The following MICOS10 variants were observed in gnomAD, a reference collection of about 807,000 sequenced individuals.
MICOS10 encodes MICOS complex subunit MIC10.
In MICOS10, 5 loss-of-function variants were observed where a neutral mutation model predicts 13.4. That is an observed-to-expected ratio of 0.37 (90% CI 0.20 to 0.78). The LOEUF (loss-of-function observed/expected upper bound fraction) is 0.78. MICOS10 is among the 30% of genes least tolerant of loss of function. MICOS10 has a pLI of 0.47. For missense variants in MICOS10, 101 were observed against 94.6 expected, an observed-to-expected ratio of 1.07 and a Z score of -0.28; for synonymous variants, 35 against 33.6, an observed-to-expected ratio of 1.04 and a Z score of -0.15.
chr1:19,618,371 G>A (rs1241276218), intron 1 of MICOS10, among the ~76,000 whole-genome samples: 1 of 151,916 alleles, frequency 6.6e-6, no homozygotes, highest in Non-Finnish European at 1.5e-5. Flanking sequence ...CAAACTCCTA[G>A]GCTCAAGCGA....
At chr1:19,602,836 A>G (rs1222880101) in intron 1 of MICOS10, among the ~76,000 whole-genome samples, 5 of 152,114 alleles carry the variant, frequency 3.3e-5, no homozygotes, top group African/African-American at 4.8e-5. Context: ...TGTCTTATCA[A>G]CCTAGGAGAC....
chr1:19,604,191 C>T (rs953632903), intron 1 of MICOS10, among the ~76,000 whole-genome samples: 5 of 152,096 alleles, frequency 3.3e-5, no homozygotes, highest in Non-Finnish European at 7.4e-5. Flanking sequence ...GCAGTTAGGA[C>T]GTTGCCTGTA....
intron 3 of MICOS10, chr1:19,625,457 GC>G: frequency 7.8e-7 from 1 of 1,289,420 alleles, no homozygotes; most frequent in Non-Finnish European, 1.0e-6. Flanking sequence ...GAGTAGGGGA[GC>G]CATCTCTGCA....
chr1:19,601,033 G>C (rs148938391), intron 1 of MICOS10: 1 of 1,285,946 alleles, frequency 7.8e-7, no homozygotes, highest in African/African-American at 1.5e-5. Context: ...GGTTCACCAG[G>C]GTTATTTTCC....
intron 1 of MICOS10, among the ~76,000 whole-genome samples, chr1:19,610,351 A>ACCCCCCC (rs1213607382): frequency 1.9e-4 from 2 of 10,662 alleles, no homozygotes; most frequent in African/African-American, 6.4e-4. Flanking sequence ...AAGTCACCCC[A>ACCCCCCC]CCCCCCACCC....
At chr1:19,612,245 A>T (rs1326753235) in intron 1 of MICOS10, among the ~76,000 whole-genome samples, 2 of 148,724 alleles carry the variant, frequency 1.3e-5, no homozygotes, top group Non-Finnish European at 3.0e-5. Flanking sequence ...TTTAGTAGAG[A>T]CGGGGTTTCA....
chr1:19,605,028 C>T (rs1433875033), intron 1 of MICOS10, among the ~76,000 whole-genome samples: 3 of 152,138 alleles, frequency 2.0e-5, no homozygotes, highest in Admixed American at 2.0e-4. Context: ...ATCTCATATC[C>T]TTGTAAGATA....
At chr1:19,612,246 C>T (rs975816786) in intron 1 of MICOS10, among the ~76,000 whole-genome samples, 1 of 149,918 alleles carries the variant, frequency 6.7e-6, no homozygotes, top group African/African-American at 2.4e-5. Flanking sequence ...TTAGTAGAGA[C>T]GGGGTTTCAC....
At chr1:19,623,665 TA>T in intron 3 of MICOS10, 82 bp downstream of exon 3, 1 of 962,228 alleles carries the variant, frequency 1.0e-6, no homozygotes, top group South Asian at 1.4e-5. Flanking sequence ...AGACTGTTTG[TA>T]ATGAGTAAAC....
At chr1:19,621,689 C>CA (rs1482836165) in intron 1 of MICOS10, among the ~76,000 whole-genome samples, 2 of 152,178 alleles carry the variant, frequency 1.3e-5, no homozygotes, top group African/African-American at 4.8e-5. Context: ...AAGTAGCCAT[C>CA]ACTCCAAGTG....
chr1:19,626,366 C>G (rs1257433480), intron 3 of MICOS10, 21 bp from the exon 4 acceptor site: 1 of 1,613,948 alleles, frequency 6.2e-7, no homozygotes. Context: ...CAGTTTTAAG[C>G]TGAATGTCCT....
rs78273251 is a variant in MICOS10 at position 19,599,816 on chromosome 1, A to G, written c.64+2707A>G. Among the ~76,000 whole-genome samples, 1,058 of 152,266 alleles carry G rather than the reference A, an allele frequency of 6.9e-3. 9 individuals are homozygous for G. The highest frequency in any genetic ancestry group is 0.023 in the African/African-American group (954 of 41,546). On this transcript the variant is annotated intron_variant, in intron 1 of 3. Transcript: ENST00000322753. Reference sequence around the variant, plus strand: ...GTTTAGGTGGAGTCAGAACTGTGAAATGTCTTAGAGAGATTCCATTTTATC... The same window carrying G: ...GTTTAGGTGGAGTCAGAACTGTGAAGTGTCTTAGAGAGATTCCATTTTATC...
At position 19,627,075 on chromosome 1, in the gene MICOS10, G is replaced by A. The variant is rs1439777197; in HGVS notation, c.*674G>A. The A allele has an allele frequency of 2.0e-5, 3 of 152,298 alleles. No individual in the cohort carries two copies. The highest frequency in any genetic ancestry group is 1.9e-4 in the East Asian group (1 of 5,200). The allele number at this position is 152,298 out of a possible 1,614,324, so 9.4% of individuals were successfully genotyped here. A position where few individuals can be genotyped will look rare whatever the true frequency, so the allele number is the denominator to read the frequency against. The stretch of plus-strand genomic sequence containing the variant: ...AGTCCAAGCTTCAGCTCTGGAGGGC[G>A]GAGGAAAGCTCATGGCATACCCACC... On this transcript the variant is annotated 3_prime_UTR_variant, in exon 4 of 4. Coordinates refer to ENST00000322753, the MANE Select transcript of MICOS10 (RefSeq NM_001032363.4).
intron 1 of MICOS10, among the ~76,000 whole-genome samples, chr1:19,609,064 G>C (rs1408729786): frequency 7.3e-6 from 1 of 136,650 alleles, no homozygotes; most frequent in Non-Finnish European, 1.5e-5. Context: ...GGAGTGCAGT[G>C]GCACAGTCAC....
intron 1 of MICOS10, among the ~76,000 whole-genome samples, chr1:19,609,189 A>G (rs568303732): frequency 5.9e-5 from 9 of 151,768 alleles, no homozygotes; most frequent in Admixed American, 4.6e-4. Flanking sequence ...TTTTTTAATC[A>G]TAGGAAGACA....
chr1:19,618,139 C>G (rs922230855), intron 1 of MICOS10, among the ~76,000 whole-genome samples: 1 of 145,020 alleles, frequency 6.9e-6, no homozygotes, highest in Admixed American at 6.9e-5. Flanking sequence ...CAAGGTCTCA[C>G]TCTGTTGTCC....
At chr1:19,598,346 T>G (rs1427405892) in intron 1 of MICOS10, among the ~76,000 whole-genome samples, 1 of 152,170 alleles carries the variant, frequency 6.6e-6, no homozygotes, top group Non-Finnish European at 1.5e-5. Context: ...ATGGATCACT[T>G]AGGAATGGGT....
chr1:19,621,212 G>C (rs563066818), intron 1 of MICOS10, among the ~76,000 whole-genome samples: 46 of 152,298 alleles, frequency 3.0e-4, no homozygotes, highest in Non-Finnish European at 5.9e-4. Flanking sequence ...TGTCCCTGAG[G>C]TTCTTGAATC....
chr1:19,606,498 C>A (rs187791989), intron 1 of MICOS10, among the ~76,000 whole-genome samples: 1 of 152,124 alleles, frequency 6.6e-6, no homozygotes, highest in East Asian at 1.9e-4. Context: ...GTAATCCCAG[C>A]GCTTTGGGAG....
Sources: allele counts gnomAD v4.1 joint callset (sites outside exome capture counted in the v4.1 genomes callset), GRCh38; gene constraint gnomAD v4.1.1; transcripts MANE v1.5; gene names NCBI Gene and HGNC (gene_info 2026-07-23, HGNC 2026-07-21).